The following PTPRT variants were observed in gnomAD, a reference collection of about 807,000 sequenced individuals.
The protein encoded by PTPRT is protein tyrosine phosphatase receptor type T, also known as receptor-type tyrosine-protein phosphatase T.
Under a neutral mutation model 176.8 loss-of-function variants are expected in PTPRT, and 56 were observed. That is an observed-to-expected ratio of 0.32 (90% confidence interval 0.26 to 0.40). The LOEUF (loss-of-function observed/expected upper bound fraction) is 0.40, where lower values mean the gene tolerates loss of function less well. Ranked by LOEUF, PTPRT falls within the 10% of genes least tolerant of loss-of-function variation. PTPRT has a pLI of 1.00. For synonymous variants in PTPRT, 783 were observed against 739.0 expected (o/e 1.06, Z -0.96); for missense variants, 1,540 against 1,908.2 (o/e 0.81, Z 3.60).
At chr20:43,063,695 GT>G (rs1487167098) in intron 1 of PTPRT, 1 of 152,238 alleles carries the variant, frequency 6.6e-6, no homozygotes. Context: ...TTCATAGTGA[GT>G]GCTGGAGAAT....
intron 1 of PTPRT, among the ~76,000 whole-genome samples, chr20:43,148,934 G>C (rs1289465566): frequency 1.3e-5 from 2 of 152,184 alleles, no homozygotes; most frequent in Admixed American, 1.3e-4. Flanking sequence ...AGGTAGGTCA[G>C]AGATGTTGTT....
At chr20:42,214,025 G>T (rs1478899860) in intron 15 of PTPRT, among the ~76,000 whole-genome samples, 3 of 152,170 alleles carry the variant, frequency 2.0e-5, no homozygotes, top group African/African-American at 4.8e-5. Context: ...AGGGTATTAA[G>T]TTCCTTAATT....
At chr20:42,760,220 C>A (rs1266423725) in intron 5 of PTPRT, among the ~76,000 whole-genome samples, 2 of 152,138 alleles carry the variant, frequency 1.3e-5, no homozygotes, top group Non-Finnish European at 2.9e-5. Context: ...GGGTTGAGGG[C>A]ACTTGCCTGC....
intron 11 of PTPRT, among the ~76,000 whole-genome samples, chr20:42,320,002 C>T (rs1462701084): frequency 6.6e-6 from 1 of 152,172 alleles, no homozygotes; most frequent in Non-Finnish European, 1.5e-5. Flanking sequence ...ATAGCATTTA[C>T]TCATACATTT....
intron 7 of PTPRT, among the ~76,000 whole-genome samples, chr20:42,546,031 C>T (rs2064676): frequency 0.13 from 20,297 of 151,992 alleles, 1,444 homozygotes; most frequent in East Asian, 0.21. Flanking sequence ...CATACAAATA[C>T]ATGTATACAT....
At chr20:42,287,893 G>A in intron 12 of PTPRT, among the ~76,000 whole-genome samples, 1 of 151,704 alleles carries the variant, frequency 6.6e-6, no homozygotes, top group Non-Finnish European at 1.5e-5. Context: ...AGGAAAACTG[G>A]GGTCTATCTA....
At chr20:42,371,474 C>A (rs899168336) in intron 9 of PTPRT, among the ~76,000 whole-genome samples, 7 of 151,880 alleles carry the variant, frequency 4.6e-5, no homozygotes, top group Non-Finnish European at 8.8e-5. Flanking sequence ...ATTACTCATG[C>A]AATTTCACAT....
chr20:42,426,439 T>A (rs1049654614), intron 9 of PTPRT, among the ~76,000 whole-genome samples: 1 of 151,998 alleles, frequency 6.6e-6, no homozygotes, highest in Non-Finnish European at 1.5e-5. Flanking sequence ...CACCTCCCCA[T>A]CCAACCTGCT....
intron 15 of PTPRT, among the ~76,000 whole-genome samples, chr20:42,200,511 T>G (rs1991406262): frequency 6.6e-6 from 1 of 152,180 alleles, no homozygotes; most frequent in Admixed American, 6.5e-5. Flanking sequence ...TCTCCCTGAA[T>G]TCTTTCAAAT....
intron 7 of PTPRT, among the ~76,000 whole-genome samples, chr20:42,580,735 G>A (rs936180732): frequency 2.6e-5 from 4 of 152,142 alleles, no homozygotes; most frequent in African/African-American, 9.7e-5. Context: ...GAATGCTTGG[G>A]ATTTTTGCCC....
intron 9 of PTPRT, among the ~76,000 whole-genome samples, chr20:42,441,206 A>G (rs1398038644): frequency 3.3e-5 from 5 of 152,236 alleles, no homozygotes; most frequent in Admixed American, 1.3e-4. Flanking sequence ...TGGAAATGGT[A>G]TGAAGGAAAG....
chr20:42,159,278 A>T (rs1989485763), intron 17 of PTPRT, among the ~76,000 whole-genome samples: 1 of 150,006 alleles, frequency 6.7e-6, no homozygotes, highest in Admixed American at 6.7e-5. Context: ...GAGATATGCC[A>T]CCTGGAGGCT....
intron 1 of PTPRT, among the ~76,000 whole-genome samples, chr20:43,122,917 A>G (rs901551692): frequency 1.3e-5 from 2 of 152,112 alleles, no homozygotes; most frequent in Non-Finnish European, 2.9e-5. Context: ...GCAATGGTGC[A>G]ATCTCGGCTC....
intron 13 of PTPRT, among the ~76,000 whole-genome samples, chr20:42,277,133 A>T (rs2057053035): frequency 6.6e-6 from 1 of 152,186 alleles, no homozygotes. Flanking sequence ...TACTGGTGAC[A>T]CTGGCCCCTC....
intron 2 of PTPRT, among the ~76,000 whole-genome samples, chr20:42,808,848 A>G (rs185723005): frequency 1.3e-5 from 2 of 152,276 alleles, no homozygotes; most frequent in Non-Finnish European, 2.9e-5. Context: ...ACTGTTGGGT[A>G]GATGCTCAAC....
intron 7 of PTPRT, among the ~76,000 whole-genome samples, chr20:42,546,978 G>A (rs545796474): frequency 1.1e-4 from 17 of 152,086 alleles, no homozygotes; most frequent in South Asian, 4.2e-4. Flanking sequence ...TTACTGAAAC[G>A]TAACACAGAG....
At chr20:42,826,406 C>T (rs2077994103) in intron 2 of PTPRT, among the ~76,000 whole-genome samples, 1 of 152,182 alleles carries the variant, frequency 6.6e-6, no homozygotes, top group Admixed American at 6.5e-5. Context: ...CCCTCCCATG[C>T]AATACATAGA....
At chr20:42,275,394 C>T (rs141023893) in intron 13 of PTPRT, among the ~76,000 whole-genome samples, 4 of 152,308 alleles carry the variant, frequency 2.6e-5, no homozygotes, top group South Asian at 2.1e-4. Flanking sequence ...AACAGACTTG[C>T]GATCAAGTCG....
At chr20:42,183,195 C>A (rs971506153) in intron 16 of PTPRT, among the ~76,000 whole-genome samples, 1 of 152,086 alleles carries the variant, frequency 6.6e-6, no homozygotes, top group Non-Finnish European at 1.5e-5. Context: ...TTCCTGCTTA[C>A]CTCTTCAGGT....
Sources: gnomAD v4.1 joint callset for allele counts (sites outside exome capture counted in the v4.1 genomes callset) on GRCh38, gnomAD v4.1.1 for gene constraint, MANE v1.5 for transcripts, NCBI Gene and HGNC (gene_info 2026-07-23, HGNC 2026-07-21) for gene names.